Variants in CAP2 observed in about 807,000 individuals in gnomAD.
CAP2 encodes cyclase associated actin cytoskeleton regulatory protein 2.
CAP2 carries 24 observed loss-of-function variants against 57.7 expected under a neutral mutation model. The ratio of observed to expected loss-of-function variants is 0.42; its 90% CI spans 0.30 to 0.58. The LOEUF is 0.58. Among genes scored for constraint, CAP2 ranks in the 20% least tolerant of loss-of-function variants. The pLI is 0.22. For synonymous variants in CAP2, 194 were observed against 207.2 expected (o/e 0.94, Z 0.55); for missense variants, 501 against 590.3 (o/e 0.85, Z 1.57).
At chr6:17,512,438 C>G (rs1762178555) in intron 6 of CAP2, among the ~76,000 whole-genome samples, 1 of 151,888 alleles carries the variant, frequency 6.6e-6, no homozygotes, top group African/African-American at 2.4e-5. Flanking sequence ...TGTCAACATG[C>G]TATTTCTATA....
At position 17,461,768 on chromosome 6, in the gene CAP2, G is replaced by A. The variant is rs189913566; in HGVS notation, c.223-1228G>A. 3.3e-3 allele frequency among the ~76,000 whole-genome samples: 499 copies of A among 150,928 alleles called. 3 individuals carry two copies. Among genetic ancestry groups the A allele is most frequent in the African/African-American group, 8.6e-3 (356 of 41,286 alleles). ...AGCACTTTGGGAGGCCAAGGTGGGC[G>A]GATCATGAGGTCAGGAGATCGAGAC... On this transcript the variant is annotated intron_variant, in intron 3 of 12. Transcript: ENST00000229922.
intron 3 of CAP2, among the ~76,000 whole-genome samples, chr6:17,442,196 C>T (rs1233299911): frequency 6.6e-6 from 1 of 152,210 alleles, no homozygotes; most frequent in Non-Finnish European, 1.5e-5. Flanking sequence ...CTCCTTAGAG[C>T]TCATGATATA....
intron 7 of CAP2, among the ~76,000 whole-genome samples, chr6:17,536,074 C>T (rs1762765465): frequency 6.6e-6 from 1 of 152,220 alleles, no homozygotes; most frequent in African/African-American, 2.4e-5. Flanking sequence ...CCAGCCCAGC[C>T]ACCCAAAGTG....
At chr6:17,544,002 G>A (rs1422183619) in intron 11 of CAP2, among the ~76,000 whole-genome samples, 11 of 152,016 alleles carry the variant, frequency 7.2e-5, no homozygotes, top group Admixed American at 6.6e-5. Flanking sequence ...GTGGGTGCCT[G>A]TAATCCCAGC....
At chr6:17,395,393 A>C (rs1758640582) in intron 1 of CAP2, among the ~76,000 whole-genome samples, 1 of 152,206 alleles carries the variant, frequency 6.6e-6, no homozygotes, top group Non-Finnish European at 1.5e-5. Flanking sequence ...ACCAGTAACA[A>C]AATATTCTTC....
intron 4 of CAP2, among the ~76,000 whole-genome samples, chr6:17,498,244 T>A (rs1761716452): frequency 6.6e-6 from 1 of 152,172 alleles, no homozygotes; most frequent in Admixed American, 6.5e-5. Flanking sequence ...AAGTGGGAAG[T>A]GACAAAAAAA....
chr6:17,542,855 AATGACCTTGTGATTTCAGAG>A lies in CAP2; in HGVS notation c.1023_1042del (p.Asp342Ter), dbSNP rs1248614094. The A allele has an allele frequency of 6.2e-7, 1 of 1,612,112 alleles. No homozygotes were observed. The highest frequency in any genetic ancestry group is 8.5e-7 in the Non-Finnish European group (1 of 1,178,530). ...ATTCTAGGAGTACCAAGAGGACAGG[AATGACCTTGTGATTTCAGAG>A]ACTGAGCTGAAACAAGTGGCTTACA... is the stretch of plus-strand genomic sequence containing the variant. On this transcript the variant is annotated frameshift_variant, in exon 10 of 13. Coordinates refer to ENST00000229922, the MANE Select transcript of CAP2 (RefSeq NM_006366.3). LOFTEE classifies it high-confidence loss of function.
intron 3 of CAP2, among the ~76,000 whole-genome samples, chr6:17,451,613 G>T (rs1176721389): frequency 6.6e-6 from 1 of 151,884 alleles, no homozygotes; most frequent in Non-Finnish European, 1.5e-5. Context: ...GGGTTCAAGC[G>T]ATTCTCCTGC....
intron 3 of CAP2, among the ~76,000 whole-genome samples, chr6:17,439,412 ATG>A (rs1760004861): frequency 6.6e-6 from 1 of 151,382 alleles, no homozygotes; most frequent in Admixed American, 6.6e-5. Flanking sequence ...TGTGCTGTTC[ATG>A]TCTCAGTTCC....
intron 4 of CAP2, among the ~76,000 whole-genome samples, chr6:17,463,683 T>C (rs1275510571): frequency 1.3e-5 from 2 of 152,210 alleles, no homozygotes; most frequent in African/African-American, 4.8e-5. Flanking sequence ...GATTCTGCTT[T>C]TTAATAAGCT....
intron 3 of CAP2, among the ~76,000 whole-genome samples, chr6:17,437,553 T>C (rs1759927307): frequency 6.6e-6 from 1 of 152,172 alleles, no homozygotes; most frequent in Admixed American, 6.6e-5. Context: ...ATTTTTCTTA[T>C]GATGAGTGAG....
intron 3 of CAP2, among the ~76,000 whole-genome samples, chr6:17,449,413 A>AT (rs960792891): frequency 2.6e-4 from 39 of 149,396 alleles, no homozygotes; most frequent in South Asian, 1.5e-3. Flanking sequence ...TATTATTATT[A>AT]TTTTTTTTTT....
In CAP2 at chr6:17,502,026, C is replaced by T. The variant is rs150357244; in HGVS notation, c.301-5143C>T. ...GAGAATCAAAGAAACCTCAGTGAGA[C>T]GTTAACAAAAAGTAATCTGAGTGAC... is the stretch of plus-strand genomic sequence containing the variant. On this transcript the variant is annotated intron_variant, in intron 4 of 12. Transcript: ENST00000229922. Among the ~76,000 whole-genome samples the T allele has an allele frequency of 4.6e-5, 7 of 152,232 alleles. No individual in the cohort carries two copies. In the East Asian group the frequency reaches 1.2e-3, roughly 25 times the overall value.
At position 17,500,940 on chromosome 6, in the gene CAP2, G is replaced by A. The variant is rs752456725; in HGVS notation, c.301-6229G>A. On this transcript the variant is annotated intron_variant, in intron 4 of 12. Coordinates refer to ENST00000229922, the MANE Select transcript of CAP2 (RefSeq NM_006366.3). ...CCAAAGTAATAATGATTAATATTTGGTAGTGTGGTTTACTAATACATACTG... is the reference window on the plus strand; with the variant it reads ...CCAAAGTAATAATGATTAATATTTGATAGTGTGGTTTACTAATACATACTG... 4.3e-4 allele frequency among the ~76,000 whole-genome samples: 66 copies of A among 152,268 alleles called. 1 individual carries two copies. The Middle Eastern group carries it at 0.02, about 47-fold the overall frequency.
At chr6:17,415,639 T>G (rs1046988174) in intron 1 of CAP2, among the ~76,000 whole-genome samples, 1 of 152,114 alleles carries the variant, frequency 6.6e-6, no homozygotes, top group Non-Finnish European at 1.5e-5. Flanking sequence ...CAGTGGGAGA[T>G]GCAAAGAAGA....
chr6:17,428,297 G>A (rs559116479), intron 3 of CAP2, among the ~76,000 whole-genome samples: 2 of 152,242 alleles, frequency 1.3e-5, no homozygotes, highest in South Asian at 4.1e-4. Context: ...CATCTCCGGG[G>A]TTAGTCATTG....
chr6:17,426,264 G>C (rs1344341021), intron 2 of CAP2, among the ~76,000 whole-genome samples: 1 of 131,418 alleles, frequency 7.6e-6, no homozygotes, highest in East Asian at 2.3e-4. Context: ...ATGGAGTCTT[G>C]CTCTGTCACT....
intron 3 of CAP2, among the ~76,000 whole-genome samples, chr6:17,458,260 C>G (rs1760629195): frequency 6.6e-6 from 1 of 152,150 alleles, no homozygotes; most frequent in Admixed American, 6.5e-5. Flanking sequence ...AGCAGTATAT[C>G]CCAGCAATCA....
chr6:17,491,186 G>A (rs1462403407), intron 4 of CAP2, among the ~76,000 whole-genome samples: 4 of 151,984 alleles, frequency 2.6e-5, no homozygotes, highest in African/African-American at 9.7e-5. Flanking sequence ...CCCCGAGATT[G>A]TCAGGGTGCC....
Sources: allele counts gnomAD v4.1 joint callset (sites outside exome capture counted in the v4.1 genomes callset), GRCh38; gene constraint gnomAD v4.1.1; transcripts MANE v1.5; gene names NCBI Gene and HGNC (gene_info 2026-07-23, HGNC 2026-07-21).